Variants in AHI1 observed in about 807,000 individuals in gnomAD.
AHI1 encodes the protein Abelson helper integration site 1.
Under a neutral mutation model 149.3 loss-of-function variants are expected in AHI1, and 123 were observed. The observed-to-expected ratio is 0.82, with a 90% CI of 0.71 to 0.96. The LOEUF (loss-of-function observed/expected upper bound fraction) is 0.96, where lower values mean the gene tolerates loss of function less well. Ranked by LOEUF, AHI1 falls within the 40% of genes least tolerant of loss-of-function variation. AHI1 has a pLI of 0.00. For synonymous variants in AHI1, 475 were observed against 459.8 expected (o/e 1.03, Z -0.42); for missense variants, 1,439 against 1,422.7 (o/e 1.01, Z -0.18).
intron 23 of AHI1, among the ~76,000 whole-genome samples, chr6:135,371,318 G>A (rs1775023711): frequency 6.6e-6 from 1 of 152,150 alleles, no homozygotes; most frequent in South Asian, 2.1e-4. Context: ...TATCTTGGTT[G>A]CCTATATGTT....
intron 23 of AHI1, among the ~76,000 whole-genome samples, chr6:135,386,504 G>T (rs1490699325): frequency 1.3e-5 from 2 of 152,038 alleles, no homozygotes; most frequent in Non-Finnish European, 2.9e-5. Context: ...TAGAGACGGG[G>T]TTTCACCGTG....
intron 24 of AHI1, among the ~76,000 whole-genome samples, chr6:135,340,143 G>A (rs1285622573): frequency 5.9e-5 from 9 of 152,132 alleles, no homozygotes; most frequent in Non-Finnish European, 1.0e-4. Flanking sequence ...AGGCTGAGGC[G>A]GGTGGATCAT....
Position 135,318,553 on chromosome 6 carries a change from T to G in AHI1, c.3392A>C (p.Lys1131Thr). 6.2e-7 allele frequency: 1 copy of G among 1,602,356 alleles called. No individual in the cohort carries two copies. The highest frequency in any genetic ancestry group is 8.5e-7 in the Non-Finnish European group (1 of 1,174,152). The part of the protein sequence containing the change: ...ERSPPLSPEE[K>T]TKIEKSPAPQ... ...AGCTGGAGATTTTTCTATTTTAGTTTTTTCCTCAGGGCTTAAAGGAGGGGA... is the reference window on the plus strand; with the variant it reads ...AGCTGGAGATTTTTCTATTTTAGTTGTTTCCTCAGGGCTTAAAGGAGGGGA... The change falls in exon 26 of 29, where the codon AAA (lysine) becomes ACA (threonine). Residue 1131 changes from lysine (K) to threonine (T), a missense_variant. Physicochemically the swap from Lys to Thr is moderately conservative, Grantham distance 78 (BLOSUM62 -1). Coordinates refer to ENST00000265602, the MANE Select transcript of AHI1 (RefSeq NM_001134831.2).
chr6:135,482,389 T>G (rs1793789763), intron 5 of AHI1, among the ~76,000 whole-genome samples: 1 of 152,132 alleles, frequency 6.6e-6, no homozygotes. Context: ...TACTAATGGT[T>G]TAACAACCAG....
chr6:135,467,294 C>G (rs1790925660), intron 6 of AHI1, among the ~76,000 whole-genome samples: 1 of 152,026 alleles, frequency 6.6e-6, no homozygotes, highest in Admixed American at 6.5e-5. Flanking sequence ...TGAAGGAAAG[C>G]CACCAAATCA....
At chr6:135,493,536 T>C (rs1373143896) in intron 3 of AHI1, among the ~76,000 whole-genome samples, 2 of 152,204 alleles carry the variant, frequency 1.3e-5, no homozygotes, top group Non-Finnish European at 2.9e-5. Context: ...CTAGCAGTTA[T>C]AAATTTAATA....
chr6:135,423,910 T>C (rs1409638590), intron 20 of AHI1, among the ~76,000 whole-genome samples: 1 of 152,056 alleles, frequency 6.6e-6, no homozygotes, highest in African/African-American at 2.4e-5. Flanking sequence ...CTTCTCAAAT[T>C]AGACTTGACT....
intron 5 of AHI1, among the ~76,000 whole-genome samples, chr6:135,486,375 C>A (rs543181529): frequency 2.5e-4 from 38 of 152,272 alleles, no homozygotes; most frequent in Admixed American, 1.8e-3. Flanking sequence ...CACATGAACA[C>A]CAATGTTCTA....
chr6:135,456,605 C>G (rs1011956054), intron 9 of AHI1, among the ~76,000 whole-genome samples: 4 of 151,774 alleles, frequency 2.6e-5, no homozygotes, highest in African/African-American at 4.8e-5. Context: ...GACTGTAAAC[C>G]CTTTGAGTTG....
At chr6:135,427,048 A>G in intron 20 of AHI1, 119 bp downstream of exon 20, 2 of 986,580 alleles carry the variant, frequency 2.0e-6, no homozygotes, top group Non-Finnish European at 2.9e-6. Context: ...TGATTCCAAC[A>G]TAAGGGCACA....
At chr6:135,372,878 C>G (rs1233105310) in intron 23 of AHI1, among the ~76,000 whole-genome samples, 1 of 152,116 alleles carries the variant, frequency 6.6e-6, no homozygotes, top group Non-Finnish European at 1.5e-5. Context: ...TTGTTTAGCC[C>G]CTGTGGTTGG....
At chr6:135,376,556 G>T (rs1263328864) in intron 23 of AHI1, among the ~76,000 whole-genome samples, 1 of 152,054 alleles carries the variant, frequency 6.6e-6, no homozygotes, top group Non-Finnish European at 1.5e-5. Flanking sequence ...TAATCAGGAT[G>T]AAATACATTC....
intron 8 of AHI1, among the ~76,000 whole-genome samples, chr6:135,460,246 T>A (rs546003934): frequency 6.6e-6 from 1 of 152,298 alleles, no homozygotes; most frequent in Admixed American, 6.5e-5. Flanking sequence ...GACACAATGT[T>A]AAAAAATTTT....
intron 23 of AHI1, among the ~76,000 whole-genome samples, chr6:135,383,977 C>A (rs1238117757): frequency 6.6e-6 from 1 of 152,158 alleles, no homozygotes; most frequent in Non-Finnish European, 1.5e-5. Context: ...TTCCTTTACC[C>A]TAGAGGCAAA....
intron 20 of AHI1, among the ~76,000 whole-genome samples, chr6:135,415,720 G>A (rs1782275109): frequency 6.6e-6 from 1 of 152,156 alleles, no homozygotes; most frequent in Non-Finnish European, 1.5e-5. Flanking sequence ...ATTTGGAGCA[G>A]CTTTATTTGT....
Position 135,431,237 on chromosome 6 carries a change from G to A in AHI1, c.2344C>T (p.His782Tyr), listed in dbSNP as rs201881881. ...NTYVKINDLE[H>Y]SVHHWTINKE... ...TTTATAGTCCAGTGGTGCACTGAAT[G>A]TTCCAAATCATTAATCTTGACATAG... The change falls in exon 17 of 29, where the codon CAT becomes TAT. Residue 782 changes from histidine (H) to tyrosine (Y), a missense_variant. By Grantham distance (83) the His-to-Tyr change is moderately conservative. Transcript: ENST00000265602. 6 of 1,605,052 alleles carry A rather than the reference G, an allele frequency of 3.7e-6. No homozygotes were observed. Among genetic ancestry groups the A allele is most frequent in the Non-Finnish European group, 5.1e-6 (6 of 1,174,416 alleles).
intron 22 of AHI1, among the ~76,000 whole-genome samples, chr6:135,404,502 G>A (rs1200987997): frequency 6.6e-6 from 1 of 152,072 alleles, no homozygotes; most frequent in Non-Finnish European, 1.5e-5. Flanking sequence ...AGTTAAATGA[G>A]AAAAGAAATG....
At chr6:135,457,379 T>C (rs1036326558) in intron 9 of AHI1, 115 bp downstream of exon 9, 2 of 712,374 alleles carry the variant, frequency 2.8e-6, no homozygotes, top group South Asian at 1.9e-5. Context: ...TAGTAGACTA[T>C]TCTCTAATAC....
In AHI1 at chr6:135,495,836, T is replaced by C. The variant is rs979034593; in HGVS notation, c.-77A>G. On this transcript the variant is annotated 5_prime_UTR_variant, in exon 3 of 29. It removes the in-frame stop codon of an upstream open reading frame in the 5' UTR. Coordinates refer to ENST00000265602, the MANE Select transcript of AHI1 (RefSeq NM_001134831.2). The stretch of plus-strand genomic sequence containing the variant: ...TACTGATGTGTGGCCTTGGGCAAGC[T>C]ACTTAATTTCTAATCCTTGGTTTTT... 1 of 152,236 alleles carries C rather than the reference T, an allele frequency of 6.6e-6. No homozygotes were observed. The highest frequency in any genetic ancestry group is 6.5e-5 in the Admixed American group (1 of 15,286). 9.4% of individuals were successfully genotyped at this position (152,236 alleles called of 1,614,324 possible).
Sources: allele counts gnomAD v4.1 joint callset (sites outside exome capture counted in the v4.1 genomes callset), GRCh38; gene constraint gnomAD v4.1.1; transcripts MANE v1.5; gene names NCBI Gene and HGNC (gene_info 2026-07-23, HGNC 2026-07-21).